The following COX15 variants were observed in gnomAD, a reference collection of about 807,000 sequenced individuals.
COX15 encodes cytochrome c oxidase assembly factor COX15.
COX15 carries 51 observed loss-of-function variants against 51.9 expected under a neutral mutation model. The observed-to-expected ratio is 0.98, with a 90% CI of 0.78 to 1.24. The LOEUF is 1.24. Ranked by LOEUF, COX15 falls within the 50% of genes most tolerant of loss-of-function variation. COX15 has a pLI of 0.00. For synonymous variants in COX15, 188 were observed against 190.5 expected (o/e 0.99, Z 0.11); for missense variants, 420 against 501.1 (o/e 0.84, Z 1.55).
Position 99,713,855 on chromosome 10 carries a change from G to A in COX15, c.*732C>T. The A allele has an allele frequency of 2.4e-6, 1 of 423,280 alleles. No individual in the cohort carries two copies. The highest frequency in any genetic ancestry group is 3.5e-6 in the Non-Finnish European group (1 of 281,742). The allele number at this position is 423,280 out of a possible 1,614,324, so 26.2% of individuals were successfully genotyped here. Reference sequence around the variant, plus strand: ...ATGGTGACTTGTGCCTGTAGTCCCAGCTACTCGGGAGGCTGAGGCATGAGA... The same window carrying A: ...ATGGTGACTTGTGCCTGTAGTCCCAACTACTCGGGAGGCTGAGGCATGAGA... On this transcript the variant is annotated 3_prime_UTR_variant, in exon 9 of 9. Coordinates refer to ENST00000016171, the MANE Select transcript of COX15 (RefSeq NM_078470.6).
chr10:99,703,665 G>A, the COX15 span, among the ~76,000 whole-genome samples: 2 of 152,114 alleles, frequency 1.3e-5, no homozygotes, highest in Non-Finnish European at 2.9e-5. Context: ...AGTTGATCAG[G>A]TAACAGCTTT....
chr10:99,718,220 C>T (rs951981394), intron 7 of COX15, 126 bp downstream of exon 7: 41 of 1,071,602 alleles, frequency 3.8e-5, no homozygotes, highest in Non-Finnish European at 5.7e-5. Flanking sequence ...AAAATTTCTT[C>T]CAAAGAGAGC....
chr10:99,721,151 G>A, intron 5 of COX15, 83 bp from the exon 6 acceptor site: 2 of 1,095,588 alleles, frequency 1.8e-6, no homozygotes, highest in South Asian at 1.3e-5. Flanking sequence ...CCAAACCCAA[G>A]TGACAAATTA....
In COX15 at chr10:99,724,804, AG is replaced by A. The variant is rs1363697517; in HGVS notation, c.583-682del. 2.6e-5 allele frequency among the ~76,000 whole-genome samples: 4 copies of A among 152,348 alleles called. No homozygotes were observed. The East Asian group carries it at 7.7e-4, about 29-fold the overall frequency. On this transcript the variant is annotated intron_variant, in intron 4 of 8. Coordinates refer to ENST00000016171, the MANE Select transcript of COX15 (RefSeq NM_078470.6). ...TGAATGTTTTGGAGAAACTTAATAA[AG>A]GTAAATGCTTAAAAACATCTACTGT...
chr10:99,729,267 C>T (rs2037057945), intron 2 of COX15, among the ~76,000 whole-genome samples: 1 of 152,126 alleles, frequency 6.6e-6, no homozygotes, highest in South Asian at 2.1e-4. Flanking sequence ...TTTGGATCAG[C>T]CTGGCCAACA....
chr10:99,709,764 G>A, downstream of COX15: 1 of 985,182 alleles, frequency 1.0e-6, no homozygotes, highest in Non-Finnish European at 1.2e-6. Flanking sequence ...TATCCTAATA[G>A]ACTTCTCTTG....
At chr10:99,718,625 A>G (rs1268650780) in intron 6 of COX15, 125 bp from the exon 7 acceptor site, 1 of 979,432 alleles carries the variant, frequency 1.0e-6, no homozygotes. Flanking sequence ...AATAATAGAC[A>G]TATCTGCAAC....
downstream of COX15, chr10:99,709,186 C>T: frequency 1.0e-6 from 1 of 985,350 alleles, no homozygotes. Flanking sequence ...ATTACATCTA[C>T]CTCATTAAAG....
In COX15 at chr10:99,716,398, T is replaced by C. The variant is rs544549493; in HGVS notation, c.1051A>G (p.Arg351Gly). ...GTCACTGCTGCCATCTTGGTCCTTCTAGGAAGGGGAATTCTCCGAGAGAGG... is the reference window on the plus strand; with the variant it reads ...GTCACTGCTGCCATCTTGGTCCTTCCAGGAAGGGGAATTCTCCGAGAGAGG... The part of the protein sequence containing the change: ...YFLSRRIPLP[R>G]RTKMAAVTLL... The change falls in exon 8 of 9, where the codon AGA (arginine) becomes GGA (glycine). Residue 351 changes from arginine (R) to glycine (G), a missense_variant. Transcript: ENST00000016171. The C allele has an allele frequency of 2.9e-5, 46 of 1,613,918 alleles. 1 individual carries two copies. The South Asian group carries it at 4.6e-4, about 16-fold the overall frequency.
chr10:99,704,467 A>G, the COX15 span: 1 of 1,614,200 alleles, frequency 6.2e-7, no homozygotes, highest in Non-Finnish European at 8.5e-7. Flanking sequence ...TTCGGCAGGA[A>G]GGTGTCCGAC....
Position 99,729,745 on chromosome 10 carries a change from A to C in COX15, c.91-11T>G. ...CCTGATGCAATCACACTAAAGATCA[A>C]GATAGACAAATTACAACTGGAGAAA... On this transcript the variant is annotated splice_polypyrimidine_tract_variant and intron_variant, in intron 1 of 8. Coordinates refer to ENST00000016171, the MANE Select transcript of COX15 (RefSeq NM_078470.6). The C allele has an allele frequency of 6.2e-7, 1 of 1,613,862 alleles. No individual in the cohort carries two copies. Among genetic ancestry groups the C allele is most frequent in the Non-Finnish European group, 8.5e-7 (1 of 1,179,980 alleles).
chr10:99,723,770 G>A (rs891587083), intron 5 of COX15, among the ~76,000 whole-genome samples, 186 bp downstream of exon 5: 16 of 152,240 alleles, frequency 1.1e-4, no homozygotes, highest in Admixed American at 7.2e-4. Flanking sequence ...GAGGTAAAGC[G>A]ACTGGGATAT....
downstream of COX15, chr10:99,710,496 GT>G: frequency 1.0e-6 from 1 of 985,304 alleles, no homozygotes. Flanking sequence ...GCTTTGGGGA[GT>G]TGTTAAGACT....
downstream of COX15, among the ~76,000 whole-genome samples, chr10:99,708,442 ATTCTAG>A (rs2036293969): frequency 6.6e-6 from 1 of 152,190 alleles, no homozygotes; most frequent in Non-Finnish European, 1.5e-5. Context: ...GCAGACCTGG[ATTCTAG>A]TTCTGGCTTT....
chr10:99,730,318 T>G (rs1005005892), intron 1 of COX15, among the ~76,000 whole-genome samples: 7 of 152,176 alleles, frequency 4.6e-5, no homozygotes, highest in Admixed American at 4.6e-4. Flanking sequence ...GGTGTAGTGA[T>G]TCACACCTGT....
Position 99,718,458 on chromosome 10 carries a change from G to A in COX15, c.875C>T (p.Ser292Phe), listed in dbSNP as rs1435785216. 1 of 1,614,128 alleles carries A rather than the reference G, an allele frequency of 6.2e-7. No individual in the cohort carries two copies. The highest frequency in any genetic ancestry group is 1.7e-5 in the Admixed American group (1 of 60,018). The change falls in exon 7 of 9, where the codon TCC (serine) becomes TTC (phenylalanine). Residue 292 changes from serine (S) to phenylalanine (F), a missense_variant. By Grantham distance (155) the Ser-to-Phe change is radical (BLOSUM62 -2). Coordinates refer to ENST00000016171, the MANE Select transcript of COX15 (RefSeq NM_078470.6). ...CCAGGATTCTCCCATTTTGGGAAAGGAGTTATAAACAAGCCCAGCATCTAG... is the reference window on the plus strand; with the variant it reads ...CCAGGATTCTCCCATTTTGGGAAAGAAGTTATAAACAAGCCCAGCATCTAG... ...AGLDAGLVYN[S>F]FPKMGESWIP... is the part of the protein sequence containing the mutation.
Position 99,713,631 on chromosome 10 carries a change from C to T in COX15, c.*956G>A, listed in dbSNP as rs1590079186. The T allele has an allele frequency of 3.7e-6, 4 of 1,093,104 alleles. No homozygotes were observed. Among genetic ancestry groups the T allele is most frequent in the East Asian group, 2.6e-5 (1 of 38,206 alleles). 67.7% of individuals were successfully genotyped at this position (1,093,104 alleles called of 1,614,324 possible). A position where few individuals can be genotyped will look rare whatever the true frequency, so the allele number is the denominator to read the frequency against. On this transcript the variant is annotated 3_prime_UTR_variant, in exon 9 of 9. Transcript: ENST00000016171. Reference sequence around the variant, plus strand: ...CCTCTCAGGAACCAATTTATACTGTCGATTCCATTCCTCTCTCTGACCTTG... The same window carrying T: ...CCTCTCAGGAACCAATTTATACTGTTGATTCCATTCCTCTCTCTGACCTTG...
chr10:99,695,838 G>A, the COX15 span: 25 of 917,606 alleles, frequency 2.7e-5, no homozygotes, highest in East Asian at 6.6e-4. Flanking sequence ...ATGAAAGAAT[G>A]CTTAAGATGT....
chr10:99,728,969 T>C (rs2037048439), intron 2 of COX15, among the ~76,000 whole-genome samples: 1 of 152,214 alleles, frequency 6.6e-6, no homozygotes, highest in Admixed American at 6.5e-5. Context: ...GAGACAAACT[T>C]GGACTCTGAT....
Sources: gnomAD v4.1 joint callset for allele counts (sites outside exome capture counted in the v4.1 genomes callset) on GRCh38, gnomAD v4.1.1 for gene constraint, MANE v1.5 for transcripts, NCBI Gene and HGNC (gene_info 2026-07-23, HGNC 2026-07-21) for gene names.